Variants in CDC42SE2 observed in about 807,000 individuals in gnomAD.
The protein encoded by CDC42SE2 is CDC42 small effector protein 2.
In CDC42SE2, 3 loss-of-function variants were observed where a neutral mutation model predicts 11.5. The observed-to-expected ratio is 0.26, with a 90% CI of 0.12 to 0.67. The LOEUF (loss-of-function observed/expected upper bound fraction) is 0.67. Ranked by LOEUF, CDC42SE2 falls within the 30% of genes least tolerant of loss-of-function variation. CDC42SE2 has a pLI of 0.80. For synonymous variants in CDC42SE2, 33 were observed against 34.8 expected (o/e 0.95, Z 0.18); for missense variants, 82 against 106.8 (o/e 0.77, Z 1.02).
chr5:131,322,895 G>A (rs1384701126), intron 2 of CDC42SE2, among the ~76,000 whole-genome samples: 1 of 152,132 alleles, frequency 6.6e-6, no homozygotes, highest in Non-Finnish European at 1.5e-5. Flanking sequence ...CCATTTTACG[G>A]TATCACCAAC....
At chr5:131,317,793 TG>T (rs1348968574) in intron 2 of CDC42SE2, among the ~76,000 whole-genome samples, 2 of 152,216 alleles carry the variant, frequency 1.3e-5, no homozygotes, top group African/African-American at 2.4e-5. Flanking sequence ...ACCTGTGTTA[TG>T]ATTTTACCAG....
chr5:131,299,887 A>G (rs979850753), intron 1 of CDC42SE2, among the ~76,000 whole-genome samples: 1 of 152,206 alleles, frequency 6.6e-6, no homozygotes, highest in Non-Finnish European at 1.5e-5. Flanking sequence ...GAGAACCAGC[A>G]AAAAGGAGGG....
intron 2 of CDC42SE2, among the ~76,000 whole-genome samples, chr5:131,348,548 T>C (rs567371755): frequency 2.1e-4 from 32 of 152,216 alleles, no homozygotes; most frequent in African/African-American, 7.0e-4. Context: ...ATCAATATCA[T>C]GAAAATGGCC....
chr5:131,307,637 G>A (rs541402674), intron 1 of CDC42SE2, among the ~76,000 whole-genome samples: 61 of 152,258 alleles, frequency 4.0e-4, no homozygotes, highest in Admixed American at 1.8e-3. Context: ...CTGAGGAATT[G>A]CCACACTGAC....
intron 1 of CDC42SE2, among the ~76,000 whole-genome samples, chr5:131,295,837 C>G (rs781235558): frequency 6.6e-6 from 1 of 152,078 alleles, no homozygotes; most frequent in Non-Finnish European, 1.5e-5. Context: ...CGCCCGCCAC[C>G]GTGCCCGGCT....
chr5:131,293,094 C>T (rs1276476919), intron 1 of CDC42SE2, among the ~76,000 whole-genome samples: 1 of 152,030 alleles, frequency 6.6e-6, no homozygotes, highest in Non-Finnish European at 1.5e-5. Context: ...CGTCTCTCTT[C>T]CCCACCCCTC....
intron 2 of CDC42SE2, among the ~76,000 whole-genome samples, chr5:131,320,582 A>G (rs1297420046): frequency 1.3e-5 from 2 of 151,954 alleles, no homozygotes; most frequent in African/African-American, 2.4e-5. Flanking sequence ...TATCTGCTAA[A>G]AATACAAAAA....
intron 1 of CDC42SE2, among the ~76,000 whole-genome samples, chr5:131,312,236 G>A (rs1380169690): frequency 6.6e-6 from 1 of 151,902 alleles, no homozygotes; most frequent in East Asian, 1.9e-4. Flanking sequence ...GCTGGGGGGT[G>A]CCTCCCAGTT....
chr5:131,298,159 A>G (rs111609550), intron 1 of CDC42SE2, among the ~76,000 whole-genome samples: 1 of 151,412 alleles, frequency 6.6e-6, no homozygotes, highest in Non-Finnish European at 1.5e-5. Context: ...CTGGAGTGCA[A>G]TGGAAAAATC....
rs1317175292 is a variant in CDC42SE2, at chr5:131,291,467, T to G, written c.-454-24509T>G. Among the ~76,000 whole-genome samples the G allele has an allele frequency of 2.6e-5, 4 of 152,322 alleles. No individual in the cohort carries two copies. The East Asian group carries it at 7.7e-4, about 29-fold the overall frequency. On this transcript the variant is annotated intron_variant, in intron 1 of 4. Transcript: ENST00000505065. ...CGTTTTTGAAGGATTTGTTTTCACT[T>G]TGATCTTTATTTTGTTTAGTTACTC...
chr5:131,361,255 G>A (rs912488779), intron 3 of CDC42SE2, among the ~76,000 whole-genome samples: 9 of 152,052 alleles, frequency 5.9e-5, no homozygotes, highest in African/African-American at 2.2e-4. Flanking sequence ...GCTAAAATAG[G>A]AAGACACAGA....
chr5:131,345,599 C>G (rs978779054), intron 2 of CDC42SE2, among the ~76,000 whole-genome samples: 2 of 152,128 alleles, frequency 1.3e-5, no homozygotes, highest in Non-Finnish European at 2.9e-5. Flanking sequence ...AGGAGAACTT[C>G]CCCAACCTAG....
chr5:131,283,879 G>A (rs948877006), intron 1 of CDC42SE2, among the ~76,000 whole-genome samples: 26 of 152,258 alleles, frequency 1.7e-4, no homozygotes, highest in African/African-American at 5.8e-4. Flanking sequence ...TGGACGTTGG[G>A]TTGTTTGCAC....
At chr5:131,366,186 T>C (rs537249858) in intron 3 of CDC42SE2, among the ~76,000 whole-genome samples, 2 of 152,336 alleles carry the variant, frequency 1.3e-5, no homozygotes, top group South Asian at 4.1e-4. Flanking sequence ...ATGTAGTGGA[T>C]GGTATTCACT....
At chr5:131,251,710 A>G (rs770399461) in intron 1 of CDC42SE2, among the ~76,000 whole-genome samples, 3 of 152,196 alleles carry the variant, frequency 2.0e-5, no homozygotes, top group Non-Finnish European at 4.4e-5. Flanking sequence ...AAACTGTTCC[A>G]ATTAATAAAA....
At chr5:131,216,645 A>G in the CDC42SE2 span, among the ~76,000 whole-genome samples, 1 of 151,546 alleles carries the variant, frequency 6.6e-6, no homozygotes, top group Admixed American at 6.6e-5. Context: ...GCTAGAGGAC[A>G]CAGCTCATCT....
In CDC42SE2 at chr5:131,339,765, G is replaced by A. The variant is rs1051874850; in HGVS notation, c.-285-19444G>A. 2.7e-5 allele frequency among the ~76,000 whole-genome samples: 4 copies of A among 149,430 alleles called. No homozygotes were observed. In the South Asian group the frequency reaches 8.4e-4, roughly 31 times the overall value. ...GTGGAGGTTGCAGTGAGCCAAGATTGTACCACTGCACTCTAGCCTGAATGA... is the reference window on the plus strand; with the variant it reads ...GTGGAGGTTGCAGTGAGCCAAGATTATACCACTGCACTCTAGCCTGAATGA... On this transcript the variant is annotated intron_variant, in intron 2 of 4. Transcript: ENST00000505065.
chr5:131,259,369 GA>G (rs1304383602), upstream of CDC42SE2, among the ~76,000 whole-genome samples: 4 of 151,910 alleles, frequency 2.6e-5, no homozygotes, highest in African/African-American at 7.2e-5. Context: ...ATATCTTTAG[GA>G]AAAAAATACT....
intron 1 of CDC42SE2, among the ~76,000 whole-genome samples, chr5:131,309,274 C>T (rs1001100461): frequency 6.6e-6 from 1 of 150,560 alleles, no homozygotes; most frequent in African/African-American, 2.4e-5. Flanking sequence ...ATTGAACCAG[C>T]CTTGCATCCC....
Sources: allele counts gnomAD v4.1 joint callset (sites outside exome capture counted in the v4.1 genomes callset), GRCh38; gene constraint gnomAD v4.1.1; transcripts MANE v1.5; gene names NCBI Gene and HGNC (gene_info 2026-07-23, HGNC 2026-07-21).